PFKL: variants seen among roughly 807,000 people sequenced by gnomAD.
PFKL encodes the protein ATP-dependent 6-phosphofructokinase, liver type.
In PFKL, 74 loss-of-function variants were observed where a neutral mutation model predicts 92.1. The observed-to-expected ratio is 0.80, with a 90% CI of 0.67 to 0.97. PFKL has a LOEUF of 0.97. Among genes scored for constraint, PFKL ranks in the 50% least tolerant of loss-of-function variants. The pLI is 0.00. For missense variants in PFKL, 1,028 were observed against 1,116.6 expected, an observed-to-expected ratio of 0.92 and a Z score of 1.13; for synonymous variants, 494 against 456.4, an observed-to-expected ratio of 1.08 and a Z score of -1.05.
At chr21:44,321,646 C>G in intron 12 of PFKL, 83 bp from the exon 13 acceptor site, 3 of 1,400,770 alleles carry the variant, frequency 2.1e-6, no homozygotes, top group East Asian at 2.6e-5. Context: ...TTTTCCAGAA[C>G]CTGCCGGCCT....
At chr21:44,302,398 C>A (rs889360745) in intron 1 of PFKL, among the ~76,000 whole-genome samples, 1 of 152,218 alleles carries the variant, frequency 6.6e-6, no homozygotes, top group Non-Finnish European at 1.5e-5. Context: ...ATGGGAGGAA[C>A]TGACATTCTG....
intron 12 of PFKL, 185 bp downstream of exon 12, chr21:44,320,332 C>T (rs531796789): frequency 2.6e-5 from 13 of 506,190 alleles, no homozygotes; most frequent in African/African-American, 3.9e-5. Context: ...TGGCAGGTCC[C>T]GGGTGCTGGG....
At chr21:44,309,620 C>CG (rs1366363530) in intron 2 of PFKL, among the ~76,000 whole-genome samples, 2 of 152,192 alleles carry the variant, frequency 1.3e-5, no homozygotes, top group African/African-American at 4.8e-5. Context: ...AGGGGCCTGG[C>CG]TGGCGCCTGG....
intron 2 of PFKL, among the ~76,000 whole-genome samples, chr21:44,309,729 G>T (rs563556962): frequency 1.1e-4 from 17 of 152,296 alleles, no homozygotes; most frequent in East Asian, 7.7e-4. Flanking sequence ...TGTTTTCCTT[G>T]TTCCTAGCTC....
chr21:44,305,174 T>C (rs1306850525), intron 1 of PFKL: 9 of 1,139,624 alleles, frequency 7.9e-6, no homozygotes, highest in South Asian at 4.3e-5. Flanking sequence ...TGGGATCTCA[T>C]TGGATTCCTG....
rs138641261 is a variant in PFKL at position 44,325,833 on chromosome 21, G to A, written c.1990-128G>A. On this transcript the variant is annotated intron_variant, in intron 19 of 21. Coordinates refer to ENST00000349048, the MANE Select transcript of PFKL (RefSeq NM_002626.6). ...TCGGGAACAGACGGGAACGGTGCAC[G>A]GGTTGGAAGGAATGGGTGTTCACAA... 289 of 650,766 alleles carry A rather than the reference G, an allele frequency of 4.4e-4. 2 individuals are homozygous for A. Among genetic ancestry groups the A allele is most frequent in the African/African-American group, 4.1e-3 (228 of 55,014 alleles). The allele number at this position is 650,766 out of a possible 1,614,324, so 40.3% of individuals were successfully genotyped here. A position where few individuals can be genotyped will look rare whatever the true frequency, so the allele number is the denominator to read the frequency against.
At chr21:44,323,719 C>T in intron 15 of PFKL, 47 bp from the exon 16 acceptor site, 1 of 1,572,622 alleles carries the variant, frequency 6.4e-7, no homozygotes, top group Non-Finnish European at 8.6e-7. Context: ...CCCGGCCCAC[C>T]CTGGCCTCGG....
chr21:44,322,251 G>A (rs1161209898), intron 14 of PFKL, 48 bp downstream of exon 14: 40 of 1,554,294 alleles, frequency 2.6e-5, no homozygotes, highest in Non-Finnish European at 3.4e-5. Context: ...CCAGGGCGCA[G>A]TATCCAGGCC....
rs201851547 is a variant in PFKL at position 44,323,922 on chromosome 21, C to T, written c.1650+4C>T. ...TGCTGTAAATGCCGCCATGGAGGTA[C>T]GGGGCTCCTGGACACCGGCCTGCCA... On this transcript the variant is annotated splice_donor_region_variant and intron_variant, in intron 16 of 21. Transcript: ENST00000349048. The T allele has an allele frequency of 3.2e-5, 51 of 1,613,062 alleles. No individual in the cohort carries two copies. Among genetic ancestry groups the T allele is most frequent in the African/African-American group, 1.1e-4 (8 of 74,926 alleles).
chr21:44,300,308 C>T, intron 1 of PFKL, 118 bp downstream of exon 1: 1 of 287,148 alleles, frequency 3.5e-6, no homozygotes, highest in Non-Finnish European at 5.1e-6. Context: ...CGGCCTCCCG[C>T]CCCGGCCTCC....
intron 16 of PFKL, 53 bp downstream of exon 16, chr21:44,323,971 G>GCTGAGC: frequency 1.2e-6 from 2 of 1,601,768 alleles, no homozygotes; most frequent in Non-Finnish European, 1.7e-6. Context: ...GTGGGGTGGG[G>GCTGAGC]CTGAGCCTAC....
chr21:44,308,986 A>G (rs9306097), intron 2 of PFKL, among the ~76,000 whole-genome samples: 9,926 of 152,204 alleles, frequency 0.065, 1,060 homozygotes, highest in African/African-American at 0.22. Context: ...ATGGAAACTC[A>G]GGGAGGGGAC....
rs1395936990 is a variant in PFKL at position 44,312,959 on chromosome 21, C to G, written c.428-19C>G. The stretch of plus-strand genomic sequence containing the variant: ...GCCAGTGGAGCCTCAGCCAGGTCCT[C>G]CTGCTGCTCCTGGCCCAGGTAAGAT... On this transcript the variant is annotated intron_variant, in intron 4 of 21. Transcript: ENST00000349048. 1.2e-6 allele frequency: 2 copies of G among 1,610,920 alleles called. No homozygotes were observed. The highest frequency in any genetic ancestry group is 1.3e-5 in the African/African-American group (1 of 74,896).
intron 12 of PFKL, 138 bp downstream of exon 12, chr21:44,320,285 G>T (rs1412646912): frequency 4.5e-6 from 3 of 665,130 alleles, no homozygotes; most frequent in East Asian, 6.0e-5. Context: ...TGGGAGGGTG[G>T]GCCTGACCTC....
In PFKL at chr21:44,327,164, A is replaced by G. The variant is rs1177210672; in HGVS notation, c.*302A>G. 3 of 447,930 alleles carry G rather than the reference A, an allele frequency of 6.7e-6. No homozygotes were observed. The highest frequency in any genetic ancestry group is 8.1e-5 in the East Asian group (2 of 24,608). The allele number at this position is 447,930 out of a possible 1,614,324, so 27.7% of individuals were successfully genotyped here. On this transcript the variant is annotated 3_prime_UTR_variant, in exon 22 of 22. Coordinates refer to ENST00000349048, the MANE Select transcript of PFKL (RefSeq NM_002626.6). Reference sequence around the variant, plus strand: ...TGCTGCCCCCTGGCTTTGGCGCCCCATGGGCCCTCAGCGTCTCCCCATGCT... The same window carrying G: ...TGCTGCCCCCTGGCTTTGGCGCCCCGTGGGCCCTCAGCGTCTCCCCATGCT...
rs777623210 is a variant in PFKL, at chr21:44,324,847, C to T, written c.1816-9C>T. 2 of 1,605,904 alleles carry T rather than the reference C, an allele frequency of 1.2e-6. No individual in the cohort carries two copies. The highest frequency in any genetic ancestry group is 1.3e-5 in the African/African-American group (1 of 74,872). On this transcript the variant is annotated splice_polypyrimidine_tract_variant and intron_variant, in intron 17 of 21. Coordinates refer to ENST00000349048, the MANE Select transcript of PFKL (RefSeq NM_002626.6). ...TCCTCCGGCTCATCCGTGTCCGCCCCTCCCGCAGGTCAACGTGGAGCACAT... is the reference window on the plus strand; with the variant it reads ...TCCTCCGGCTCATCCGTGTCCGCCCTTCCCGCAGGTCAACGTGGAGCACAT...
At chr21:44,307,887 T>A (rs2040999397) in intron 2 of PFKL, among the ~76,000 whole-genome samples, 1 of 151,856 alleles carries the variant, frequency 6.6e-6, no homozygotes, top group Admixed American at 6.6e-5. Flanking sequence ...GAAATTAGGG[T>A]TTTCCGGAAC....
intron 11 of PFKL, 185 bp downstream of exon 11, chr21:44,319,600 G>A: frequency 1.6e-6 from 1 of 615,166 alleles, no homozygotes; most frequent in South Asian, 1.9e-5. Context: ...GGTACCACAG[G>A]AGACCCTGGG....
intron 1 of PFKL, among the ~76,000 whole-genome samples, chr21:44,301,531 C>A (rs1178439572): frequency 2.0e-5 from 3 of 152,142 alleles, no homozygotes; most frequent in Non-Finnish European, 4.4e-5. Context: ...AGGCCGGGTG[C>A]GGTGGCTCAC....
Sources: gnomAD v4.1 joint callset for allele counts (sites outside exome capture counted in the v4.1 genomes callset) on GRCh38, gnomAD v4.1.1 for gene constraint, MANE v1.5 for transcripts, NCBI Gene and HGNC (gene_info 2026-07-23, HGNC 2026-07-21) for gene names.